The following PUDP variants were observed in gnomAD, a reference collection of about 807,000 sequenced individuals.
PUDP encodes the protein pseudouridine 5'-phosphatase, also known as pseudouridine-5'-phosphatase.
A neutral mutation model predicts 9.4 loss-of-function variants in PUDP; 8 were observed. The ratio of observed to expected loss-of-function variants is 0.85; its 90% CI spans 0.50 to 1.53. PUDP has a LOEUF of 1.53. PUDP is among the 40% of genes most tolerant of loss of function. PUDP has a pLI of 0.00. For synonymous variants in PUDP, 99 were observed against 80.7 expected (o/e 1.23, Z -1.22); for missense variants, 188 against 189.7 (o/e 0.99, Z 0.05).
chrX:6,737,104 T>A (rs931113941), intron 3 of PUDP, among the ~76,000 whole-genome samples: 1 of 110,356 alleles, frequency 9.1e-6, no homozygotes, highest in African/African-American at 3.3e-5. Context: ...ATCTTCAAGA[T>A]GGGATTCAGG....
At chrX:7,124,716 G>A (rs1268674594) in intron 1 of PUDP, among the ~76,000 whole-genome samples, 3 of 111,338 alleles carry the variant, frequency 2.7e-5, no homozygotes, top group African/African-American at 9.8e-5. Flanking sequence ...GGAGGCCGAG[G>A]CGGGTGGATC....
intron 3 of PUDP, among the ~76,000 whole-genome samples, chrX:6,765,923 C>T (rs775798717): frequency 1.8e-3 from 205 of 111,417 alleles, no homozygotes; most frequent in Non-Finnish European, 3.1e-3. Context: ...CTCAAGAAAT[C>T]CATGCCAAGA....
At chrX:6,811,515 A>G (rs1424035043) in intron 3 of PUDP, among the ~76,000 whole-genome samples, 1 of 110,621 alleles carries the variant, frequency 9.0e-6, no homozygotes, top group East Asian at 2.8e-4. Context: ...GGGTTTCACC[A>G]TATTGTCCAG....
chrX:6,858,322 C>CTTTT (rs370817442), intron 3 of PUDP, among the ~76,000 whole-genome samples: 13 of 89,425 alleles, frequency 1.5e-4, no homozygotes, highest in Non-Finnish European at 1.3e-4. Flanking sequence ...TTTTTTCTTT[C>CTTTT]TTTTTTTTTT....
chrX:7,002,292 C>T (rs1306016999), intron 1 of PUDP, among the ~76,000 whole-genome samples: 1 of 111,973 alleles, frequency 8.9e-6, no homozygotes, highest in Non-Finnish European at 1.9e-5. Context: ...GAAATATCAG[C>T]TGAGGTGCCC....
chrX:6,934,820 AG>A (rs1304290487), intron 3 of PUDP, among the ~76,000 whole-genome samples: 2 of 91,834 alleles, frequency 2.2e-5, no homozygotes, highest in Non-Finnish European at 4.3e-5. Context: ...AAAAAAAGGC[AG>A]GGGTTGCAAT....
At chrX:6,719,864 T>C (rs1267154883) in intron 1 of PUDP, among the ~76,000 whole-genome samples, 2 of 111,682 alleles carry the variant, frequency 1.8e-5, no homozygotes, top group African/African-American at 6.5e-5. Context: ...TAAGTCACAT[T>C]GATAAACTGG....
At chrX:7,072,506 T>C (rs1223938686) in intron 3 of PUDP, among the ~76,000 whole-genome samples, 1 of 111,783 alleles carries the variant, frequency 8.9e-6, no homozygotes, top group Non-Finnish European at 1.9e-5. Flanking sequence ...AAAGTAGTGA[T>C]GGCTAGGCTG....
intron 1 of PUDP, among the ~76,000 whole-genome samples, chrX:6,991,207 A>G (rs1929171926): frequency 8.9e-6 from 1 of 111,759 alleles, no homozygotes; most frequent in Non-Finnish European, 1.9e-5. Flanking sequence ...CCAGCGGACC[A>G]TTCAAATACA....
At chrX:6,999,683 T>C (rs1929297965) in intron 1 of PUDP, among the ~76,000 whole-genome samples, 1 of 110,282 alleles carries the variant, frequency 9.1e-6, no homozygotes, top group African/African-American at 3.3e-5. Context: ...TAGGGTGCAG[T>C]ATATACTGCT....
chrX:6,864,048 TGTAG>T (rs1478683657), intron 3 of PUDP, among the ~76,000 whole-genome samples: 2 of 111,153 alleles, frequency 1.8e-5, no homozygotes, highest in Non-Finnish European at 3.8e-5. Flanking sequence ...CATAGCCACA[TGTAG>T]TGAGTGGCCA....
At chrX:6,901,896 G>C (rs138324924) in intron 3 of PUDP, among the ~76,000 whole-genome samples, 5,838 of 111,183 alleles carry the variant, frequency 0.053, 164 homozygotes, top group East Asian at 0.16. Flanking sequence ...TTTTTTCAGA[G>C]AGTGTCTTGC....
intron 1 of PUDP, among the ~76,000 whole-genome samples, chrX:6,996,472 T>C (rs1011637135): frequency 1.8e-5 from 2 of 109,941 alleles, no homozygotes; most frequent in African/African-American, 3.3e-5. Context: ...TCCTTGCTTC[T>C]AAAATTATGG....
intron 3 of PUDP, among the ~76,000 whole-genome samples, chrX:6,851,354 C>T (rs940744850): frequency 1.8e-5 from 2 of 111,605 alleles, no homozygotes; most frequent in Non-Finnish European, 3.8e-5. Flanking sequence ...AATCTCATTA[C>T]CAAAGATTGC....
chrX:6,919,957 A>G (rs1204469720), intron 3 of PUDP, among the ~76,000 whole-genome samples: 4 of 104,254 alleles, frequency 3.8e-5, no homozygotes, highest in African/African-American at 1.0e-4. Flanking sequence ...CAGGATAGTC[A>G]TGTGATTTAG....
chrX:6,729,554 C>CAAAT (rs1237947526), intron 3 of PUDP, among the ~76,000 whole-genome samples: 37 of 112,226 alleles, frequency 3.3e-4, no homozygotes, highest in African/African-American at 1.2e-3. Flanking sequence ...CCGGGGTTCA[C>CAAAT]ATTTTTGTAA....
chrX:6,927,450 T>C (rs899002747), intron 3 of PUDP, among the ~76,000 whole-genome samples: 15 of 112,294 alleles, frequency 1.3e-4, no homozygotes, highest in African/African-American at 4.8e-4. Context: ...GTGGATACAC[T>C]TATAGCTGGG....
chrX:6,764,996 G>C (rs1925267105), intron 3 of PUDP, among the ~76,000 whole-genome samples: 1 of 110,828 alleles, frequency 9.0e-6, no homozygotes, highest in Admixed American at 9.7e-5. Context: ...GGTAGGTGTG[G>C]TGGCTTACGT....
At chrX:6,802,829 G>A (rs1359234000) in intron 3 of PUDP, among the ~76,000 whole-genome samples, 1 of 107,723 alleles carries the variant, frequency 9.3e-6, no homozygotes, top group Non-Finnish European at 1.9e-5. Context: ...AAGTTGCAGT[G>A]AGCCAAGATG....
Sources: gnomAD v4.1 joint callset for allele counts (sites outside exome capture counted in the v4.1 genomes callset) on GRCh38, gnomAD v4.1.1 for gene constraint, MANE v1.5 for transcripts, NCBI Gene and HGNC (gene_info 2026-07-23, HGNC 2026-07-21) for gene names.